Variants in FGF14 observed in about 807,000 individuals in gnomAD.
The protein encoded by FGF14 is fibroblast growth factor homologous factor 4.
Under a neutral mutation model 25.5 loss-of-function variants are expected in FGF14, and 5 were observed. That is an observed-to-expected ratio of 0.20 (90% CI 0.10 to 0.41). FGF14 has a LOEUF of 0.41. Among genes scored for constraint, FGF14 ranks in the 10% least tolerant of loss-of-function variants. FGF14 has a pLI of 1.00. For missense variants in FGF14, 222 were observed against 320.1 expected, an observed-to-expected ratio of 0.69 and a Z score of 2.34; for synonymous variants, 138 against 118.3, an observed-to-expected ratio of 1.17 and a Z score of -1.08.
intron 1 of FGF14, among the ~76,000 whole-genome samples, chr13:102,114,360 T>C (rs1221136918): frequency 6.6e-6 from 1 of 152,218 alleles, no homozygotes; most frequent in Non-Finnish European, 1.5e-5. Context: ...TACCGTATGA[T>C]GCCTTTTCAC....
Position 102,345,036 on chromosome 13 carries a change from A to C in FGF14, c.208+56435T>G, listed in dbSNP as rs556486747. Among the ~76,000 whole-genome samples, 48 of 152,290 alleles carry C rather than the reference A, an allele frequency of 3.2e-4. 1 individual carries two copies. The highest frequency in any genetic ancestry group is 1.1e-3 in the African/African-American group (45 of 41,554). On this transcript the variant is annotated intron_variant, in intron 1 of 4. Transcript: ENST00000376131. ...ATGAGGAAAAATTTTACTGAATTTC[A>C]AGTGAGGGGCCATGTAATACAACCT...
chr13:101,717,291 G>A lies in FGF14; in HGVS notation c.*5540C>T, dbSNP rs2034762037. Reference sequence around the variant, plus strand: ...ATAGTACTAACAATGTTCTCATAATGTAATAGATTTATAAAAATTGTTATC... The same window carrying A: ...ATAGTACTAACAATGTTCTCATAATATAATAGATTTATAAAAATTGTTATC... On this transcript the variant is annotated 3_prime_UTR_variant, in exon 5 of 5. Coordinates refer to ENST00000376143, the MANE Select transcript of FGF14 (RefSeq NM_004115.4). The A allele has an allele frequency of 6.6e-6, 1 of 152,070 alleles. No homozygotes were observed. The highest frequency in any genetic ancestry group is 1.5e-5 in the Non-Finnish European group (1 of 68,004). The allele number at this position is 152,070 out of a possible 1,614,324, so 9.4% of individuals were successfully genotyped here. A position where few individuals can be genotyped will look rare whatever the true frequency, so the allele number is the denominator to read the frequency against.
chr13:102,260,834 C>T (rs1337770904), intron 1 of FGF14, among the ~76,000 whole-genome samples: 2 of 152,194 alleles, frequency 1.3e-5, no homozygotes, highest in African/African-American at 4.8e-5. Context: ...AGTGTTCTTC[C>T]TTGCCCTATC....
chr13:102,041,366 T>TA (rs1566609056), intron 1 of FGF14, among the ~76,000 whole-genome samples: 1 of 152,108 alleles, frequency 6.6e-6, no homozygotes, highest in East Asian at 1.9e-4. Context: ...AGTGTGAAAT[T>TA]AGAGTCATTA....
At chr13:102,263,990 C>A (rs1420867655) in intron 1 of FGF14, among the ~76,000 whole-genome samples, 1 of 140,862 alleles carries the variant, frequency 7.1e-6, no homozygotes, top group South Asian at 2.3e-4. Flanking sequence ...AAATCGAGAA[C>A]CCCTAGAGGT....
chr13:102,152,412 C>T (rs559270494), intron 1 of FGF14, among the ~76,000 whole-genome samples: 71 of 152,286 alleles, frequency 4.7e-4, no homozygotes, highest in African/African-American at 1.7e-3. Context: ...GGTTTGTAGA[C>T]ACCATTTTCT....
chr13:102,232,160 G>A (rs975159824), intron 1 of FGF14, among the ~76,000 whole-genome samples: 3 of 152,112 alleles, frequency 2.0e-5, no homozygotes, highest in Non-Finnish European at 4.4e-5. Context: ...CCAAAGTCAT[G>A]TATTACACAT....
At position 102,177,809 on chromosome 13, in the gene FGF14, T is replaced by A. The variant is rs956770301; in HGVS notation, c.208+223662A>T. 2.0e-5 allele frequency among the ~76,000 whole-genome samples: 3 copies of A among 151,974 alleles called. No individual in the cohort carries two copies. The South Asian group carries it at 6.2e-4, about 32-fold the overall frequency. The stretch of plus-strand genomic sequence containing the variant: ...AAAAAACCTCCATCTCAAAAAGTAA[T>A]CTTCATTTTATGATTTTTACATGAA... On this transcript the variant is annotated intron_variant, in intron 1 of 4. Coordinates refer to the FGF14 transcript ENST00000376131.
At chr13:102,315,473 A>G (rs2138715401) in intron 1 of FGF14, among the ~76,000 whole-genome samples, 1 of 152,262 alleles carries the variant, frequency 6.6e-6, no homozygotes, top group Middle Eastern at 3.4e-3. Flanking sequence ...TTACTTGACT[A>G]AGTTCTCTGA....
At chr13:102,248,873 T>C (rs939066957) in intron 1 of FGF14, among the ~76,000 whole-genome samples, 1 of 151,988 alleles carries the variant, frequency 6.6e-6, no homozygotes, top group African/African-American at 2.4e-5. Flanking sequence ...AAAAGAATGA[T>C]TGAGACTTGA....
intron 3 of FGF14, among the ~76,000 whole-genome samples, chr13:101,734,341 A>C (rs1196611612): frequency 6.6e-6 from 1 of 152,224 alleles, no homozygotes; most frequent in Non-Finnish European, 1.5e-5. Context: ...TTATAAAAGC[A>C]AGAAAATAGA....
chr13:101,841,633 T>C (rs911327183), intron 3 of FGF14, among the ~76,000 whole-genome samples: 5 of 152,038 alleles, frequency 3.3e-5, no homozygotes, highest in African/African-American at 4.8e-5. Flanking sequence ...GTTGCCAGCA[T>C]TGATTGAACA....
At chr13:101,992,149 A>C (rs1340157290) in intron 1 of FGF14, among the ~76,000 whole-genome samples, 3 of 152,096 alleles carry the variant, frequency 2.0e-5, no homozygotes, top group Non-Finnish European at 4.4e-5. Context: ...CACCATATAA[A>C]TAGGGCTTCC....
At chr13:102,053,209 T>G (rs374415063) in intron 1 of FGF14, among the ~76,000 whole-genome samples, 84 of 152,092 alleles carry the variant, frequency 5.5e-4, no homozygotes, top group African/African-American at 2.0e-3. Flanking sequence ...AATAATTACC[T>G]TAAATATAAA....
At chr13:102,152,596 A>C (rs909784383) in intron 1 of FGF14, among the ~76,000 whole-genome samples, 1 of 152,086 alleles carries the variant, frequency 6.6e-6, no homozygotes, top group African/African-American at 2.4e-5. Context: ...TCAACCTATG[A>C]ATTTTAGGGG....
At chr13:102,104,133 CTT>C (rs1217533739) in intron 1 of FGF14, among the ~76,000 whole-genome samples, 1 of 152,180 alleles carries the variant, frequency 6.6e-6, no homozygotes, top group Non-Finnish European at 1.5e-5. Flanking sequence ...TGGTTCTGTT[CTT>C]TCCCCTAAAC....
chr13:102,292,301 A>C (rs1373643562), intron 1 of FGF14: 4 of 148,784 alleles, frequency 2.7e-5, no homozygotes, highest in East Asian at 4.0e-4. Flanking sequence ...AAAAAAAAAA[A>C]AAAACTGACA....
Position 102,139,947 on chromosome 13 carries a change from A to T in FGF14, c.208+261524T>A, listed in dbSNP as rs1284642998. ...TTGTCATGTAATTGTTTTGCATGAAACACAGTGGATTGAAAATATCACATA... is the reference window on the plus strand; with the variant it reads ...TTGTCATGTAATTGTTTTGCATGAATCACAGTGGATTGAAAATATCACATA... On this transcript the variant is annotated intron_variant, in intron 1 of 4. Coordinates refer to the FGF14 transcript ENST00000376131. Among the ~76,000 whole-genome samples, 9 of 152,100 alleles carry T rather than the reference A, an allele frequency of 5.9e-5. 1 individual carries two copies. In the South Asian group the frequency reaches 1.2e-3, roughly 21 times the overall value.
chr13:101,937,766 T>C (rs879420441), intron 1 of FGF14, among the ~76,000 whole-genome samples: 1 of 151,990 alleles, frequency 6.6e-6, no homozygotes, highest in Non-Finnish European at 1.5e-5. Context: ...CGCCCAGCTA[T>C]TTTTTGTATT....
Sources: allele counts gnomAD v4.1 joint callset (sites outside exome capture counted in the v4.1 genomes callset), GRCh38; gene constraint gnomAD v4.1.1; transcripts MANE v1.5; gene names NCBI Gene and HGNC (gene_info 2026-07-23, HGNC 2026-07-21).